The following C2CD2 variants were observed in gnomAD, a reference collection of about 807,000 sequenced individuals.
C2CD2 encodes the protein C2 calcium dependent domain containing 2, also known as C2 domain-containing protein 2.
A neutral mutation model predicts 74.3 loss-of-function variants in C2CD2; 43 were observed. The ratio of observed to expected loss-of-function variants is 0.58; its 90% CI spans 0.45 to 0.75. The LOEUF (loss-of-function observed/expected upper bound fraction) is 0.75, where lower values mean the gene tolerates loss of function less well. Ranked by LOEUF, C2CD2 falls within the 30% of genes least tolerant of loss-of-function variation. The probability of loss-of-function intolerance (pLI) is 0.00; values close to 1 mark genes in which losing one functional copy is unlikely to be tolerated. For missense variants in C2CD2, 801 were observed against 916.3 expected (o/e 0.87, Z 1.63); for synonymous variants, 422 against 390.7 (o/e 1.08, Z -0.94).
In C2CD2 at chr21:41,888,231, G is replaced by A. The variant is rs2064706390; in HGVS notation, c.*893C>T. 1 of 152,592 alleles carries A rather than the reference G, an allele frequency of 6.6e-6. No individual in the cohort carries two copies. The highest frequency in any genetic ancestry group is 2.4e-5 in the African/African-American group (1 of 41,440). 9.5% of individuals were successfully genotyped at this position (152,592 alleles called of 1,614,324 possible). Reference sequence around the variant, plus strand: ...ACTGGCAGCACTTGGCAAAATCCATGTATGTGTTTGGTTACTGTGTTCTAC... The same window carrying A: ...ACTGGCAGCACTTGGCAAAATCCATATATGTGTTTGGTTACTGTGTTCTAC... On this transcript the variant is annotated 3_prime_UTR_variant, in exon 14 of 14. Transcript: ENST00000380486.
chr21:41,906,260 C>T (rs886519783), intron 10 of C2CD2, among the ~76,000 whole-genome samples: 11 of 152,310 alleles, frequency 7.2e-5, no homozygotes, highest in East Asian at 5.8e-4. Flanking sequence ...TTCTAGCAAA[C>T]GATTTTTCAC....
rs2065346481 is a variant in C2CD2, at chr21:41,940,583, T to C, written c.378+1564A>G. 2.0e-5 allele frequency among the ~76,000 whole-genome samples: 3 copies of C among 152,122 alleles called. 1 individual carries two copies. In the South Asian group the frequency reaches 6.2e-4, roughly 32 times the overall value. The stretch of plus-strand genomic sequence containing the variant: ...AGATCATACAGCAACACAGGTAACA[T>C]ATAAACACAGGTTGAAAATGAAGGA... On this transcript the variant is annotated intron_variant, in intron 2 of 13. Coordinates refer to ENST00000380486, the MANE Select transcript of C2CD2 (RefSeq NM_015500.2).
At chr21:41,949,820 G>A (rs2065435437) in intron 1 of C2CD2, among the ~76,000 whole-genome samples, 1 of 152,214 alleles carries the variant, frequency 6.6e-6, no homozygotes, top group African/African-American at 2.4e-5. Flanking sequence ...AAAAAAGGAT[G>A]AGTTCATGTC....
At chr21:41,947,812 C>G (rs934120843) in intron 1 of C2CD2, among the ~76,000 whole-genome samples, 13 of 152,170 alleles carry the variant, frequency 8.5e-5, no homozygotes, top group Non-Finnish European at 1.6e-4. Flanking sequence ...CTCCCAGGAT[C>G]GCACAGCTAG....
At chr21:41,889,381 A>G in intron 13 of C2CD2, 37 bp from the exon 14 acceptor site, 1 of 1,390,704 alleles carries the variant, frequency 7.2e-7, no homozygotes, top group Non-Finnish European at 1.0e-6. Flanking sequence ...TCAAGTGGGC[A>G]GGGAATGAGG....
intron 2 of C2CD2, among the ~76,000 whole-genome samples, chr21:41,925,621 C>A (rs1171996932): frequency 6.6e-6 from 1 of 152,202 alleles, no homozygotes; most frequent in Non-Finnish European, 1.5e-5. Flanking sequence ...TGGACGGGGA[C>A]AAAATGGAGA....
chr21:41,913,197 A>G (rs1328165462), intron 6 of C2CD2, among the ~76,000 whole-genome samples: 3 of 113,536 alleles, frequency 2.6e-5, no homozygotes, highest in Non-Finnish European at 5.9e-5. Context: ...GACTTACACC[A>G]GACAGGTGCT....
intron 12 of C2CD2, 140 bp downstream of exon 12, chr21:41,901,482 G>A: frequency 1.2e-6 from 1 of 863,114 alleles, no homozygotes; most frequent in African/African-American, 1.7e-5. Flanking sequence ...TTTGTGGGGT[G>A]AGGAACATAA....
At position 41,899,040 on chromosome 21, in the gene C2CD2, C is replaced by T. The variant is rs758165845; in HGVS notation, c.1870+13G>A. 2.2e-5 allele frequency: 36 copies of T among 1,607,972 alleles called. No homozygotes were observed. Among genetic ancestry groups the T allele is most frequent in the South Asian group, 1.5e-4 (14 of 90,872 alleles). On this transcript the variant is annotated intron_variant, in intron 13 of 13. Transcript: ENST00000380486. This position sits in a 1 kb window ranked among gnomAD's most constrained non-coding sequence, Gnocchi z 4.4. ...AGTGGGGGGCCCGGGATGGGGGGCT[C>T]GGGAGCAGGTACCTTTATGCTTTTT...
At chr21:41,938,439 C>G (rs1569080627) in intron 2 of C2CD2, among the ~76,000 whole-genome samples, 1 of 152,120 alleles carries the variant, frequency 6.6e-6, no homozygotes, top group East Asian at 1.9e-4. Flanking sequence ...TTTGAGTGCA[C>G]AGTTCAGTGG....
At position 41,916,194 on chromosome 21, in the gene C2CD2, T is replaced by A. The variant is rs867564900; in HGVS notation, c.721-1473A>T. Reference sequence around the variant, plus strand: ...ACTTGTCTGGGACAGAGATGAAATCTTTTTTTTCAATTGCTGAGGGTGATG... The same window carrying A: ...ACTTGTCTGGGACAGAGATGAAATCATTTTTTTCAATTGCTGAGGGTGATG... On this transcript the variant is annotated intron_variant, in intron 5 of 13. Transcript: ENST00000380486. Among the ~76,000 whole-genome samples, 8 of 152,194 alleles carry A rather than the reference T, an allele frequency of 5.3e-5. No individual in the cohort carries two copies. The South Asian group carries it at 1.5e-3, about 28-fold the overall frequency.
At chr21:41,891,243 T>A (rs937286546) in intron 13 of C2CD2, among the ~76,000 whole-genome samples, 1 of 152,082 alleles carries the variant, frequency 6.6e-6, no homozygotes, top group African/African-American at 2.4e-5. Flanking sequence ...AGTATCAACG[T>A]GTAAATGATG....
Position 41,918,921 on chromosome 21 carries a change from T to C in C2CD2, c.532A>G (p.Ile178Val). 1.9e-6 allele frequency: 3 copies of C among 1,614,218 alleles called. No individual in the cohort carries two copies. The highest frequency in any genetic ancestry group is 2.5e-6 in the Non-Finnish European group (3 of 1,180,026). ...HMKEKREDLQ[I>V]SWSFISVPEM... ...GGCACACTGATGAAAGACCAGCTAA[T>C]CTGGAGGTCCTCTCTCTTCTCCTTC... The change falls in exon 4 of 14, where the codon ATT becomes GTT. Residue 178 changes from isoleucine (I) to valine (V), a missense_variant. Ile to Val is a conservative substitution (Grantham distance 29). Transcript: ENST00000380486.
chr21:41,900,099 G>A (rs757546346), intron 12 of C2CD2, among the ~76,000 whole-genome samples: 16 of 152,062 alleles, frequency 1.1e-4, no homozygotes, highest in Non-Finnish European at 2.1e-4. Flanking sequence ...TAATCTCCCC[G>A]TCTCTACTTA....
Position 41,900,222 on chromosome 21 carries a change from C to T in C2CD2, c.1561-860G>A, listed in dbSNP as rs548426584. Among the ~76,000 whole-genome samples the T allele has an allele frequency of 6.6e-5, 10 of 152,044 alleles. No homozygotes were observed. In the South Asian group the frequency reaches 1.0e-3, roughly 16 times the overall value. On this transcript the variant is annotated intron_variant, in intron 12 of 13. Coordinates refer to ENST00000380486, the MANE Select transcript of C2CD2 (RefSeq NM_015500.2). ...CTGGGAGGCGGAGCTTGCAGTGAGC[C>T]GAGATTACGCCACTGCACTCCAGCC...
intron 13 of C2CD2, 142 bp from the exon 14 acceptor site, chr21:41,889,486 TG>T (rs2064723133): frequency 3.2e-6 from 2 of 632,016 alleles, no homozygotes; most frequent in Non-Finnish European, 5.6e-6. Flanking sequence ...TGTCACTACC[TG>T]CATGAGAAAA....
chr21:41,906,058 C>A (rs1225826135), intron 10 of C2CD2, among the ~76,000 whole-genome samples: 3 of 152,218 alleles, frequency 2.0e-5, no homozygotes, highest in African/African-American at 4.8e-5. Flanking sequence ...CAGAATTTCC[C>A]ATTCTATTTT....
chr21:41,909,564 T>C (rs1400788164), intron 7 of C2CD2, 41 bp from the exon 8 acceptor site: 4 of 1,283,664 alleles, frequency 3.1e-6, no homozygotes, highest in African/African-American at 1.5e-5. Context: ...AAAAATGCAA[T>C]GCTTGATTCT....
Position 41,889,174 on chromosome 21 carries a change from G to A in C2CD2, c.2041C>T (p.His681Tyr), listed in dbSNP as rs1185380526. 12 of 1,612,738 alleles carry A rather than the reference G, an allele frequency of 7.4e-6. No homozygotes were observed. In the African/African-American group the frequency reaches 1.6e-4, roughly 22 times the overall value. Residue 681 changes from histidine to tyrosine, a missense_variant, in exon 14 of 14, where the codon CAC (histidine) becomes TAC (tyrosine). Coordinates refer to ENST00000380486, the MANE Select transcript of C2CD2 (RefSeq NM_015500.2). Reference protein sequence around the residue: ...RILNKKLLSRHRNKNTMNGAP... With the variant: ...RILNKKLLSRYRNKNTMNGAP... ...CCGTTCATGGTGTTCTTGTTTCTGTGCCTGGAGAGCAGCTTCTTGTTCAGG... is the reference window on the plus strand; with the variant it reads ...CCGTTCATGGTGTTCTTGTTTCTGTACCTGGAGAGCAGCTTCTTGTTCAGG...
Sources: gnomAD v4.1 joint callset for allele counts (sites outside exome capture counted in the v4.1 genomes callset) on GRCh38, gnomAD v4.1.1 for gene constraint, Gnocchi (gnomAD v3.1) non-coding constraint, MANE v1.5 for transcripts, NCBI Gene and HGNC (gene_info 2026-07-23, HGNC 2026-07-21) for gene names.